Variants in PAN3 observed in about 807,000 individuals in gnomAD.
PAN3 encodes the protein PAN2-PAN3 deadenylation complex subunit PAN3.
Under a neutral mutation model 96.2 loss-of-function variants are expected in PAN3, and 19 were observed. The observed-to-expected ratio is 0.20, with a 90% CI of 0.14 to 0.29. The LOEUF (loss-of-function observed/expected upper bound fraction) is 0.29, where lower values mean the gene tolerates loss of function less well. Ranked by LOEUF, PAN3 falls within the 10% of genes least tolerant of loss-of-function variation. The pLI is 1.00. For synonymous variants in PAN3, 433 were observed against 406.6 expected (o/e 1.06, Z -0.78); for missense variants, 882 against 1,108.1 (o/e 0.80, Z 2.90).
intron 6 of PAN3, among the ~76,000 whole-genome samples, chr13:28,253,157 C>T (rs1371288564): frequency 6.6e-6 from 1 of 152,160 alleles, no homozygotes; most frequent in African/African-American, 2.4e-5. Flanking sequence ...AAATAATATG[C>T]AATGGAAGAT....
In PAN3 at chr13:28,293,501, C is replaced by G. The variant is rs183054385; in HGVS notation, c.*979C>G. The G allele has an allele frequency of 7.1e-6, 1 of 141,804 alleles. No individual in the cohort carries two copies. The highest frequency in any genetic ancestry group is 1.5e-5 in the Non-Finnish European group (1 of 66,472). 8.8% of individuals were successfully genotyped at this position (141,804 alleles called of 1,614,324 possible). A position where few individuals can be genotyped will look rare whatever the true frequency, so the allele number is the denominator to read the frequency against. On this transcript the variant is annotated 3_prime_UTR_variant, in exon 19 of 19. Coordinates refer to ENST00000380958, the MANE Select transcript of PAN3 (RefSeq NM_175854.8). ...TACACTGGAGACAGACACAGAGACA[C>G]TGTTCAGAAGATGAACTAAACTCAG...
At chr13:28,283,066 T>C (rs1194315979) in intron 17 of PAN3, among the ~76,000 whole-genome samples, 2 of 152,048 alleles carry the variant, frequency 1.3e-5, no homozygotes, top group African/African-American at 2.4e-5. Context: ...TTTTTTTTTT[T>C]GAGAGGGAAT....
chr13:28,171,173 T>C (rs1302732264), intron 1 of PAN3, among the ~76,000 whole-genome samples: 2 of 152,254 alleles, frequency 1.3e-5, no homozygotes, highest in Non-Finnish European at 2.9e-5. Flanking sequence ...TTTCTGTGTA[T>C]GTGTAAGCAC....
At chr13:28,231,593 T>G (rs1882566147) in intron 6 of PAN3, among the ~76,000 whole-genome samples, 1 of 152,170 alleles carries the variant, frequency 6.6e-6, no homozygotes, top group Admixed American at 6.5e-5. Flanking sequence ...ATAAATTAGT[T>G]GATGAAATTC....
chr13:28,260,568 C>G lies in PAN3; in HGVS notation c.1353+17C>G, dbSNP rs781372793. 6.4e-7 allele frequency: 1 copy of G among 1,570,066 alleles called. No homozygotes were observed. Among genetic ancestry groups the G allele is most frequent in the Non-Finnish European group, 8.8e-7 (1 of 1,140,498 alleles). On this transcript the variant is annotated intron_variant, in intron 8 of 18. Transcript: ENST00000380958. ...CTCCGACAGGTATGCTTTCAGAATT[C>G]ATAGTAGGAATACTTAATGTCTCCT...
intron 9 of PAN3, among the ~76,000 whole-genome samples, chr13:28,264,409 C>G (rs1885991983): frequency 1.3e-5 from 2 of 151,950 alleles, no homozygotes; most frequent in South Asian, 4.2e-4. Flanking sequence ...CGTGGTGGTG[C>G]CCAACTGTAA....
At position 28,260,109 on chromosome 13, in the gene PAN3, TAGTC is replaced by T. The variant is rs752292360; in HGVS notation, c.1249-335_1249-332del. On this transcript the variant is annotated intron_variant, in intron 7 of 18. Transcript: ENST00000380958. ...ATAAAGCTTATTGATTATGAAAAAT[TAGTC>T]AGGCTGGGTGTGGTGGCTCACACCT... Among the ~76,000 whole-genome samples, 185 of 152,150 alleles carry T rather than the reference TAGTC, an allele frequency of 1.2e-3. 1 individual carries two copies. Among genetic ancestry groups the T allele is most frequent in the African/African-American group, 1.6e-3 (67 of 41,504 alleles).
At position 28,139,064 on chromosome 13, in the gene PAN3, G is replaced by A; in HGVS notation, c.407G>A (p.Gly136Glu). 1 of 1,275,122 alleles carries A rather than the reference G, an allele frequency of 7.8e-7. No homozygotes were observed. The highest frequency in any genetic ancestry group is 2.6e-5 in the South Asian group (1 of 38,694). 79.0% of individuals were successfully genotyped at this position (1,275,122 alleles called of 1,614,324 possible). A position where few individuals can be genotyped will look rare whatever the true frequency, so the allele number is the denominator to read the frequency against. The change falls in exon 1 of 19, where the codon GGA (glycine) becomes GAA (glutamate). Residue 136 changes from glycine to glutamate, a missense_variant. Coordinates refer to ENST00000380958, the MANE Select transcript of PAN3 (RefSeq NM_175854.8). ...GCCGGCGGAGGAGGCAGTAGCGGGG[G>A]ACTCGATGGACCGCGGCTGGCAAGT... The part of the protein sequence containing the change: ...AAAGGGGSSG[G>E]LDGPRLAIPG...
intron 1 of PAN3, among the ~76,000 whole-genome samples, chr13:28,143,517 A>G (rs1870161844): frequency 6.6e-6 from 1 of 152,182 alleles, no homozygotes; most frequent in South Asian, 2.1e-4. Context: ...CTCCTAATGT[A>G]GTTACTAGTG....
chr13:28,287,836 G>T (rs1869183886), intron 17 of PAN3, 148 bp from the exon 18 acceptor site: 4 of 614,122 alleles, frequency 6.5e-6, no homozygotes, highest in Non-Finnish European at 1.0e-5. Flanking sequence ...AGTTCAGTTA[G>T]ATTATTTTTT....
chr13:28,202,798 G>A (rs1878895968), intron 5 of PAN3, among the ~76,000 whole-genome samples: 1 of 152,062 alleles, frequency 6.6e-6, no homozygotes, highest in African/African-American at 2.4e-5. Flanking sequence ...AAATACTTGA[G>A]GTTAAGCATG....
At chr13:28,146,743 C>T (rs974532914) in intron 1 of PAN3, among the ~76,000 whole-genome samples, 4 of 152,054 alleles carry the variant, frequency 2.6e-5, no homozygotes, top group African/African-American at 9.7e-5. Flanking sequence ...TTTGGGAGGC[C>T]AAGGCAGGCG....
At chr13:28,226,794 A>G (rs1200411978) in intron 6 of PAN3, among the ~76,000 whole-genome samples, 1 of 152,132 alleles carries the variant, frequency 6.6e-6, no homozygotes, top group Non-Finnish European at 1.5e-5. Flanking sequence ...ATGCTGAAGC[A>G]CTCTTATAAC....
intron 9 of PAN3, among the ~76,000 whole-genome samples, chr13:28,265,698 T>C (rs1352228259): frequency 1.3e-5 from 2 of 152,134 alleles, no homozygotes; most frequent in Admixed American, 6.5e-5. Context: ...TCAAAAATTA[T>C]CAGTTGTTTT....
At chr13:28,289,651 G>T (rs1372101444) in intron 18 of PAN3, among the ~76,000 whole-genome samples, 1 of 152,188 alleles carries the variant, frequency 6.6e-6, no homozygotes, top group Non-Finnish European at 1.5e-5. Flanking sequence ...GGAGGCCACG[G>T]CGGGCGGATC....
chr13:28,159,936 T>A (rs1011240613), intron 1 of PAN3, among the ~76,000 whole-genome samples: 19 of 151,872 alleles, frequency 1.3e-4, no homozygotes, highest in Non-Finnish European at 2.6e-4. Flanking sequence ...TTTTTTTTTT[T>A]AATATTTATT....
chr13:28,232,883 G>A (rs1309665455), intron 6 of PAN3, among the ~76,000 whole-genome samples: 1 of 152,046 alleles, frequency 6.6e-6, no homozygotes. Context: ...TGTGATCTAT[G>A]GGGAAATCAG....
intron 6 of PAN3, among the ~76,000 whole-genome samples, chr13:28,234,087 A>C (rs1882856083): frequency 6.6e-6 from 1 of 152,176 alleles, no homozygotes; most frequent in Non-Finnish European, 1.5e-5. Flanking sequence ...ATCCTATTTA[A>C]GAACCAGTGC....
At chr13:28,157,751 T>A (rs1872389022) in intron 1 of PAN3, among the ~76,000 whole-genome samples, 1 of 152,176 alleles carries the variant, frequency 6.6e-6, no homozygotes, top group South Asian at 2.1e-4. Flanking sequence ...ATAGGAAGAA[T>A]CAATATTGTT....
Sources: gnomAD v4.1 joint callset for allele counts (sites outside exome capture counted in the v4.1 genomes callset) on GRCh38, gnomAD v4.1.1 for gene constraint, MANE v1.5 for transcripts, NCBI Gene and HGNC (gene_info 2026-07-23, HGNC 2026-07-21) for gene names.